The following FRMD6 variants were observed in gnomAD, a reference collection of about 807,000 sequenced individuals.
FRMD6 encodes FERM domain containing 6.
A neutral mutation model predicts 73.2 loss-of-function variants in FRMD6; 37 were observed. That is an observed-to-expected ratio of 0.51 (90% CI 0.39 to 0.66). The LOEUF is 0.66. FRMD6 is among the 30% of genes least tolerant of loss of function. The pLI, the probability that FRMD6 is intolerant of heterozygous loss-of-function variation, is 0.00. For synonymous variants in FRMD6, 273 were observed against 282.2 expected (o/e 0.97, Z 0.33); for missense variants, 714 against 780.5 (o/e 0.91, Z 1.02).
chr14:51,558,585 A>T (rs976862953), intron 1 of FRMD6, among the ~76,000 whole-genome samples: 2 of 152,156 alleles, frequency 1.3e-5, no homozygotes, highest in African/African-American at 4.8e-5. Context: ...TTTAAATGAG[A>T]AGTCTCCAAA....
intron 2 of FRMD6, among the ~76,000 whole-genome samples, chr14:51,642,325 A>T (rs549119238): frequency 6.6e-6 from 1 of 152,310 alleles, no homozygotes; most frequent in African/African-American, 2.4e-5. Flanking sequence ...GCATCACCTG[A>T]GGTCAGGAGT....
At position 51,652,833 on chromosome 14, in the gene FRMD6, A is replaced by G. The variant is rs142429812; in HGVS notation, c.-147+837A>G. Among the ~76,000 whole-genome samples the G allele has an allele frequency of 9.8e-5, 15 of 152,344 alleles. No individual in the cohort carries two copies. The East Asian group carries it at 2.7e-3, about 27-fold the overall frequency. ...CCACCCGTGTAAGTGTAAAGTCTAC[A>G]GAGATTAAAACAACACCTCGAGTCC... is the stretch of plus-strand genomic sequence containing the variant. On this transcript the variant is annotated intron_variant, in intron 1 of 13. Transcript: ENST00000344768.
At chr14:51,674,471 G>A (rs1251697096) in intron 1 of FRMD6, among the ~76,000 whole-genome samples, 1 of 152,050 alleles carries the variant, frequency 6.6e-6, no homozygotes, top group Non-Finnish European at 1.5e-5. Context: ...TGCTCCTTGG[G>A]TTTCTCCAGG....
At chr14:51,662,623 C>CT (rs1893298199) in intron 1 of FRMD6, among the ~76,000 whole-genome samples, 1 of 152,156 alleles carries the variant, frequency 6.6e-6, no homozygotes, top group African/African-American at 2.4e-5. Context: ...GGACTGCCTC[C>CT]TTATACCATA....
the FRMD6 span, among the ~76,000 whole-genome samples, chr14:51,430,258 C>CG: frequency 6.6e-6 from 1 of 152,176 alleles, no homozygotes; most frequent in Non-Finnish European, 1.5e-5. Flanking sequence ...TCCACCTCAA[C>CG]GTTAAAAGCC....
chr14:51,705,028 CAG>C, intron 6 of FRMD6, 93 bp downstream of exon 6: 1 of 1,189,522 alleles, frequency 8.4e-7, no homozygotes, highest in Non-Finnish European at 1.2e-6. Context: ...AATGGGAACA[CAG>C]ATGTTCTGTG....
intron 10 of FRMD6, 45 bp downstream of exon 10, chr14:51,715,544 C>T: frequency 1.3e-6 from 2 of 1,486,758 alleles, no homozygotes; most frequent in African/African-American, 2.8e-5. Context: ...ACCTTTGCCA[C>T]CTGTGGCCTC....
chr14:51,672,066 T>C (rs1894047303), intron 1 of FRMD6, among the ~76,000 whole-genome samples: 1 of 152,204 alleles, frequency 6.6e-6, no homozygotes, highest in Non-Finnish European at 1.5e-5. Context: ...CTTCAAAGAA[T>C]TGTAACAAGA....
chr14:51,458,359 T>A, the FRMD6 span, among the ~76,000 whole-genome samples: 1 of 152,230 alleles, frequency 6.6e-6, no homozygotes, highest in Non-Finnish European at 1.5e-5. Flanking sequence ...TGGGAGATGA[T>A]CCTGATAGCA....
the FRMD6 span, among the ~76,000 whole-genome samples, chr14:51,397,498 TG>T: frequency 1.3e-5 from 2 of 152,224 alleles, no homozygotes; most frequent in Non-Finnish European, 2.9e-5. Context: ...TATATGTGTG[TG>T]TGAGTAGCAA....
the FRMD6 span, among the ~76,000 whole-genome samples, chr14:51,473,829 T>G: frequency 2.0e-5 from 3 of 152,098 alleles, no homozygotes; most frequent in South Asian, 4.1e-4. Context: ...CTTTACTTTT[T>G]TTTTTTTTTT....
At chr14:51,701,958 C>T (rs1260958760) in intron 4 of FRMD6, among the ~76,000 whole-genome samples, 1 of 151,888 alleles carries the variant, frequency 6.6e-6, no homozygotes, top group East Asian at 1.9e-4. Context: ...GGGAATTCAC[C>T]TCGTGTTTCC....
chr14:51,543,442 C>T (rs2139384471), intron 1 of FRMD6, among the ~76,000 whole-genome samples: 1 of 152,084 alleles, frequency 6.6e-6, no homozygotes, highest in Middle Eastern at 3.4e-3. Flanking sequence ...AATTGTTTAG[C>T]TATCATGACT....
chr14:51,430,613 C>A, the FRMD6 span, among the ~76,000 whole-genome samples: 1,027 of 148,888 alleles, frequency 6.9e-3, 13 homozygotes, highest in African/African-American at 0.025. Context: ...AAAAAAAAAA[C>A]AAAAAACAAC....
the FRMD6 span, among the ~76,000 whole-genome samples, chr14:51,459,905 A>ACAAAC: frequency 6.3e-5 from 1 of 15,894 alleles, no homozygotes; most frequent in African/African-American, 4.3e-4. Flanking sequence ...TTTTTTTTTT[A>ACAAAC]CAAACTTCGG....
intron 10 of FRMD6, 30 bp downstream of exon 10, chr14:51,715,529 ATTGTACCTTTGCCACC>A (rs1897191033): frequency 6.5e-7 from 1 of 1,541,052 alleles, no homozygotes; most frequent in Non-Finnish European, 8.8e-7. Flanking sequence ...GTGGAAGCAA[ATTGTACCTTTGCCACC>A]TGTGGCCTCT....
chr14:51,473,638 C>G, the FRMD6 span, among the ~76,000 whole-genome samples: 1 of 152,096 alleles, frequency 6.6e-6, no homozygotes, highest in Non-Finnish European at 1.5e-5. Context: ...GACCTGTGCC[C>G]CAGGTTAGGG....
At chr14:51,664,439 T>C (rs1893433197) in intron 1 of FRMD6, among the ~76,000 whole-genome samples, 1 of 152,252 alleles carries the variant, frequency 6.6e-6, no homozygotes, top group African/African-American at 2.4e-5. Context: ...AGGTGTCTGA[T>C]ACTAATTATC....
intron 1 of FRMD6, among the ~76,000 whole-genome samples, chr14:51,566,109 G>GAACTCT (rs1407886647): frequency 2.0e-5 from 3 of 152,228 alleles, no homozygotes; most frequent in Non-Finnish European, 2.9e-5. Flanking sequence ...AGCTTGCAGT[G>GAACTCT]AGCCGAGATC....
Sources: allele counts gnomAD v4.1 joint callset (sites outside exome capture counted in the v4.1 genomes callset), GRCh38; gene constraint gnomAD v4.1.1; transcripts MANE v1.5; gene names NCBI Gene and HGNC (gene_info 2026-07-23, HGNC 2026-07-21).